The following GRIN2A variants were observed in gnomAD, a reference collection of about 807,000 sequenced individuals.
GRIN2A encodes the protein glutamate receptor ionotropic, NMDA 2A.
In GRIN2A, 22 loss-of-function variants were observed where a neutral mutation model predicts 113.4. That is an observed-to-expected ratio of 0.19 (90% CI 0.14 to 0.28). The LOEUF (loss-of-function observed/expected upper bound fraction) is 0.28. Among genes scored for constraint, GRIN2A ranks in the 10% least tolerant of loss-of-function variants. GRIN2A has a pLI of 1.00. For synonymous variants in GRIN2A, 827 were observed against 738.4 expected, an observed-to-expected ratio of 1.12 and a Z score of -1.94; for missense variants, 1,502 against 1,887.0, an observed-to-expected ratio of 0.80 and a Z score of 3.78.
At chr16:9,894,445 C>A (rs1181964577) in intron 3 of GRIN2A, among the ~76,000 whole-genome samples, 1 of 152,156 alleles carries the variant, frequency 6.6e-6, no homozygotes, top group Non-Finnish European at 1.5e-5. Context: ...ATTATCTAGA[C>A]AATTGAAACT....
intron 2 of GRIN2A, among the ~76,000 whole-genome samples, chr16:10,147,260 C>T (rs16957046): frequency 0.038 from 5,792 of 151,916 alleles, 305 homozygotes; most frequent in African/African-American, 0.11. Flanking sequence ...TGGCCCATAA[C>T]GTCACGTTCA....
At chr16:9,823,555 G>C (rs1316173274) in intron 9 of GRIN2A, among the ~76,000 whole-genome samples, 1 of 152,176 alleles carries the variant, frequency 6.6e-6, no homozygotes, top group Non-Finnish European at 1.5e-5. Context: ...ATGAAACATT[G>C]AATTCTGGAA....
chr16:9,983,180 A>T (rs901947245), intron 2 of GRIN2A, among the ~76,000 whole-genome samples: 2 of 152,168 alleles, frequency 1.3e-5, no homozygotes, highest in Admixed American at 6.5e-5. Context: ...AACTATGGTC[A>T]TCCTACAGTG....
At chr16:9,842,626 T>C (rs1458948393) in intron 5 of GRIN2A, among the ~76,000 whole-genome samples, 1 of 152,108 alleles carries the variant, frequency 6.6e-6, no homozygotes, top group African/African-American at 2.4e-5. Context: ...GAAATAACTG[T>C]ATGGAAAAAC....
chr16:9,851,515 C>T (rs749839115), intron 4 of GRIN2A, among the ~76,000 whole-genome samples: 5 of 152,122 alleles, frequency 3.3e-5, no homozygotes, highest in African/African-American at 7.2e-5. Flanking sequence ...GTCAGTTGTA[C>T]GACATAGATC....
chr16:9,941,323 G>T (rs117733495), intron 2 of GRIN2A, among the ~76,000 whole-genome samples: 1 of 152,188 alleles, frequency 6.6e-6, no homozygotes, highest in Admixed American at 6.5e-5. Context: ...GAAAAGGTCT[G>T]TGCACAGAGC....
At chr16:10,111,712 G>C (rs2048617859) in intron 2 of GRIN2A, 6 of 1,551,260 alleles carry the variant, frequency 3.9e-6, no homozygotes, top group Non-Finnish European at 4.4e-6. Flanking sequence ...CAAGAAGTTT[G>C]AACAGGGCTT....
chr16:9,916,059 G>T (rs1401133548), intron 3 of GRIN2A, among the ~76,000 whole-genome samples: 7 of 152,170 alleles, frequency 4.6e-5, no homozygotes, highest in Non-Finnish European at 1.0e-4. Flanking sequence ...TTCTGGAGTT[G>T]GAGGCATAAG....
chr16:9,949,143 T>G (rs1017537491), intron 2 of GRIN2A, among the ~76,000 whole-genome samples: 11 of 152,216 alleles, frequency 7.2e-5, no homozygotes, highest in Admixed American at 1.3e-4. Flanking sequence ...AGGTCTCTAT[T>G]GTCAATCGTC....
At chr16:10,112,927 T>A in intron 2 of GRIN2A, 1 of 406,768 alleles carries the variant, frequency 2.5e-6, no homozygotes, top group Non-Finnish European at 4.8e-6. Context: ...CATACCCCAG[T>A]GTCCACCTTC....
intron 2 of GRIN2A, among the ~76,000 whole-genome samples, chr16:10,126,059 C>T (rs978801333): frequency 6.6e-6 from 1 of 152,102 alleles, no homozygotes; most frequent in Non-Finnish European, 1.5e-5. Flanking sequence ...CTTCCAACTG[C>T]ACTGTTTTGC....
intron 4 of GRIN2A, among the ~76,000 whole-genome samples, chr16:9,850,354 G>A (rs889455916): frequency 1.3e-5 from 2 of 152,162 alleles, no homozygotes; most frequent in African/African-American, 4.8e-5. Flanking sequence ...GCTGTACTAG[G>A]CAAGCTCTTA....
chr16:9,811,974 C>T (rs535145869), intron 10 of GRIN2A, among the ~76,000 whole-genome samples: 64 of 152,212 alleles, frequency 4.2e-4, no homozygotes, highest in African/African-American at 1.3e-3. Context: ...AACATTGCCC[C>T]TTTTGAAACA....
chr16:10,043,153 A>T (rs993578128), intron 2 of GRIN2A, among the ~76,000 whole-genome samples: 1 of 152,222 alleles, frequency 6.6e-6, no homozygotes, highest in African/African-American at 2.4e-5. Context: ...CACTTTTTAC[A>T]GATTCTTTCT....
chr16:9,863,453 CT>C (rs1288985513), intron 4 of GRIN2A, among the ~76,000 whole-genome samples: 2 of 152,170 alleles, frequency 1.3e-5, no homozygotes, highest in South Asian at 4.1e-4. Flanking sequence ...ATTGACTCTT[CT>C]GAGGACCTTG....
chr16:9,793,067 G>A (rs1902718658), intron 11 of GRIN2A, among the ~76,000 whole-genome samples: 1 of 152,134 alleles, frequency 6.6e-6, no homozygotes, highest in Admixed American at 6.5e-5. Context: ...CTTGCTCATG[G>A]TAAAGCTGAA....
chr16:9,792,767 AAAG>A (rs1482252589), intron 11 of GRIN2A, among the ~76,000 whole-genome samples: 1 of 152,200 alleles, frequency 6.6e-6, no homozygotes, highest in African/African-American at 2.4e-5. Flanking sequence ...AGCAAAATAC[AAAG>A]AAGAAGATTA....
At chr16:9,910,192 G>GTTAAA (rs1375423222) in intron 3 of GRIN2A, among the ~76,000 whole-genome samples, 284 of 152,150 alleles carry the variant, frequency 1.9e-3, no homozygotes, top group Middle Eastern at 6.8e-3. Context: ...GTTTTTGTTT[G>GTTAAA]AATACCTATT....
intron 2 of GRIN2A, among the ~76,000 whole-genome samples, chr16:10,036,437 CTTTTTTTTTTTCTTTTTTTTTTTT>C (rs201427653): frequency 0.3 from 27,623 of 92,802 alleles, 3,535 homozygotes; most frequent in East Asian, 0.55. Context: ...TTAGTACTTA[CTTTTTTTTTTTCTTTTTTTTTTTT>C]TTTTTTTTTT....
Sources: allele counts gnomAD v4.1 joint callset (sites outside exome capture counted in the v4.1 genomes callset), GRCh38; gene constraint gnomAD v4.1.1; transcripts MANE v1.5; gene names NCBI Gene and HGNC (gene_info 2026-07-23, HGNC 2026-07-21).